CTNNA3: variants seen among roughly 807,000 people sequenced by gnomAD.
CTNNA3 encodes catenin alpha 3, also known as catenin alpha-3.
Under a neutral mutation model 95.7 loss-of-function variants are expected in CTNNA3, and 76 were observed. The observed-to-expected ratio is 0.79, with a 90% CI of 0.66 to 0.96. The LOEUF is 0.96. Ranked by LOEUF, CTNNA3 falls within the 40% of genes least tolerant of loss-of-function variation. The pLI, the probability that CTNNA3 is intolerant of heterozygous loss-of-function variation, is 0.00. For missense variants in CTNNA3, 1,191 were observed against 1,089.8 expected (o/e 1.09, Z -1.31); for synonymous variants, 431 against 374.4 (o/e 1.15, Z -1.74).
intron 5 of CTNNA3, among the ~76,000 whole-genome samples, chr10:67,318,546 C>G (rs147406672): frequency 6.6e-6 from 1 of 152,308 alleles, no homozygotes; most frequent in Admixed American, 6.5e-5. Context: ...TATGGTATAG[C>G]CAGCAGTCCT....
chr10:67,379,408 T>C (rs1843827508), intron 5 of CTNNA3, among the ~76,000 whole-genome samples: 1 of 152,240 alleles, frequency 6.6e-6, no homozygotes, highest in Non-Finnish European at 1.5e-5. Flanking sequence ...ATGATCCTTA[T>C]GAAAGTGTTT....
At chr10:66,916,846 T>TA (rs933204937) in intron 7 of CTNNA3, among the ~76,000 whole-genome samples, 4 of 152,078 alleles carry the variant, frequency 2.6e-5, no homozygotes, top group Admixed American at 6.6e-5. Flanking sequence ...GTGGAGTATA[T>TA]AAAAAAACAA....
intron 11 of CTNNA3, among the ~76,000 whole-genome samples, chr10:66,516,308 G>A (rs1023188596): frequency 2.0e-5 from 3 of 152,130 alleles, no homozygotes; most frequent in African/African-American, 7.2e-5. Context: ...TGAAGGCACA[G>A]AAACTTGAGA....
intron 7 of CTNNA3, among the ~76,000 whole-genome samples, chr10:67,175,876 TA>T (rs1564943719): frequency 6.6e-6 from 1 of 152,182 alleles, no homozygotes; most frequent in Non-Finnish European, 1.5e-5. Flanking sequence ...GATCACCATG[TA>T]AAAATAATTG....
chr10:67,070,462 C>T (rs1856378403), intron 7 of CTNNA3, among the ~76,000 whole-genome samples: 1 of 151,948 alleles, frequency 6.6e-6, no homozygotes, highest in Non-Finnish European at 1.5e-5. Flanking sequence ...TTAAGAAATC[C>T]TTGTGGCGGG....
chr10:66,687,233 A>G (rs1197566116), intron 9 of CTNNA3, among the ~76,000 whole-genome samples: 1 of 152,068 alleles, frequency 6.6e-6, no homozygotes, highest in Admixed American at 6.6e-5. Context: ...ATGATGCAAG[A>G]AGGAGGCAAA....
chr10:66,108,015 G>A (rs1390751416), intron 13 of CTNNA3, among the ~76,000 whole-genome samples: 5 of 151,794 alleles, frequency 3.3e-5, no homozygotes, highest in Admixed American at 1.3e-4. Flanking sequence ...GAGTGGTCTC[G>A]CACTCAGAGA....
intron 2 of CTNNA3, among the ~76,000 whole-genome samples, chr10:67,636,093 A>C (rs1839303103): frequency 6.6e-6 from 1 of 152,148 alleles, no homozygotes; most frequent in Non-Finnish European, 1.5e-5. Context: ...TAAAAGATCT[A>C]AGAACACAGC....
intron 3 of CTNNA3, among the ~76,000 whole-genome samples, chr10:67,550,592 A>G (rs1256971536): frequency 6.6e-6 from 1 of 151,668 alleles, no homozygotes; most frequent in African/African-American, 2.4e-5. Flanking sequence ...TTCTTTTTTT[A>G]AAGAATAAAT....
At chr10:67,080,136 T>C (rs1004937) in intron 7 of CTNNA3, among the ~76,000 whole-genome samples, 97 of 152,268 alleles carry the variant, frequency 6.4e-4, no homozygotes, top group African/African-American at 2.3e-3. Flanking sequence ...CAAGTGCTTG[T>C]ATTTCGTTAA....
intron 10 of CTNNA3, among the ~76,000 whole-genome samples, chr10:66,544,902 C>T (rs2660004): frequency 0.65 from 99,076 of 151,928 alleles, 35,016 homozygotes; most frequent in Non-Finnish European, 0.8. Context: ...TGTTCTCTGT[C>T]CTTCTACTGG....
At chr10:67,049,647 C>T (rs10762133) in intron 7 of CTNNA3, among the ~76,000 whole-genome samples, 1 of 151,820 alleles carries the variant, frequency 6.6e-6, no homozygotes, top group African/African-American at 2.4e-5. Context: ...AACCAACACA[C>T]CTGAATTTTC....
At chr10:66,249,322 C>A (rs1673144526) in intron 13 of CTNNA3, among the ~76,000 whole-genome samples, 2 of 152,082 alleles carry the variant, frequency 1.3e-5, no homozygotes, top group South Asian at 2.1e-4. Context: ...AAACTATCCA[C>A]AAAGTGAAGA....
intron 7 of CTNNA3, among the ~76,000 whole-genome samples, chr10:66,871,464 A>T (rs1402033473): frequency 6.6e-6 from 1 of 150,706 alleles, no homozygotes; most frequent in East Asian, 2.0e-4. Context: ...CGGGAGGCTG[A>T]CGCAGGAGAA....
chr10:67,518,430 T>C (rs2133149984), intron 5 of CTNNA3, among the ~76,000 whole-genome samples: 1 of 152,276 alleles, frequency 6.6e-6, no homozygotes, highest in East Asian at 1.9e-4. Flanking sequence ...GCAAGAATAG[T>C]ATGCCGTGAT....
At chr10:66,139,497 C>G (rs1396282961) in intron 13 of CTNNA3, among the ~76,000 whole-genome samples, 1 of 152,102 alleles carries the variant, frequency 6.6e-6, no homozygotes, top group African/African-American at 2.4e-5. Context: ...TAATAACACA[C>G]CCTGCTAATG....
chr10:66,281,292 A>G (rs188262672), intron 12 of CTNNA3, among the ~76,000 whole-genome samples: 1 of 152,080 alleles, frequency 6.6e-6, no homozygotes, highest in African/African-American at 2.4e-5. Flanking sequence ...TAAGGCTTCA[A>G]AATAGTTTCA....
At chr10:67,703,759 T>C (rs1396823568) in intron 1 of CTNNA3, among the ~76,000 whole-genome samples, 9 of 152,044 alleles carry the variant, frequency 5.9e-5, no homozygotes, top group African/African-American at 2.4e-5. Flanking sequence ...CAACATAGGG[T>C]TGGAAGTCCT....
chr10:66,201,783 C>CTTTTTTTTTTTTTTTTTTTTTTT lies in CTNNA3; in HGVS notation c.1884+78686_1884+78687insAAAAAAAAAAAAAAAAAAAAAAA. Among the ~76,000 whole-genome samples, 2 of 79,378 alleles carry CTTTTTTTTTTTTTTTTTTTTTTT rather than the reference C, an allele frequency of 2.5e-5. 1 individual carries two copies. Among genetic ancestry groups the CTTTTTTTTTTTTTTTTTTTTTTT allele is most frequent in the African/African-American group, 1.0e-4 (2 of 19,436 alleles). The allele number at this position is 79,378 out of a possible 152,430, so 52.1% of individuals were successfully genotyped here. A position where few individuals can be genotyped will look rare whatever the true frequency, so the allele number is the denominator to read the frequency against. On this transcript the variant is annotated intron_variant, in intron 13 of 17. Transcript: ENST00000433211. ...GATTGTTGCTGTCTTTTTACTTTTT[C>CTTTTTTTTTTTTTTTTTTTTTTT]TTTTTTTTTTTTTTTTTTTTTTGAG...
Sources: allele counts gnomAD v4.1 joint callset (sites outside exome capture counted in the v4.1 genomes callset), GRCh38; gene constraint gnomAD v4.1.1; transcripts MANE v1.5; gene names NCBI Gene and HGNC (gene_info 2026-07-23, HGNC 2026-07-21).